ZBTB20: variants seen among roughly 807,000 people sequenced by gnomAD.
The protein encoded by ZBTB20 is zinc finger and BTB domain containing 20, also known as zinc finger and BTB domain-containing protein 20.
Under a neutral mutation model 56.9 loss-of-function variants are expected in ZBTB20, and 9 were observed. The observed-to-expected ratio is 0.16, with a 90% confidence interval of 0.10 to 0.28. The LOEUF (loss-of-function observed/expected upper bound fraction) is 0.28. ZBTB20 is among the 10% of genes least tolerant of loss of function. The probability of loss-of-function intolerance (pLI) is 1.00; values close to 1 mark genes in which losing one functional copy is unlikely to be tolerated. For missense variants in ZBTB20, 655 were observed against 1,003.0 expected, an observed-to-expected ratio of 0.65 and a Z score of 4.69; for synonymous variants, 417 against 420.7, an observed-to-expected ratio of 0.99 and a Z score of 0.11.
intron 1 of ZBTB20, among the ~76,000 whole-genome samples, chr3:115,101,932 T>C (rs913478991): frequency 6.6e-6 from 1 of 152,214 alleles, no homozygotes; most frequent in Admixed American, 6.5e-5. Context: ...ACTTTCAATA[T>C]ATAACTTATA....
At chr3:114,599,712 G>T (rs185034870) in intron 6 of ZBTB20, among the ~76,000 whole-genome samples, 1 of 152,024 alleles carries the variant, frequency 6.6e-6, no homozygotes, top group Admixed American at 6.6e-5. Context: ...TATTGTTGCT[G>T]TTATTCCCAT....
rs1032431500 is a variant in ZBTB20, at chr3:114,500,256, C to G, written c.-255+96G>C. On this transcript the variant is annotated intron_variant, in intron 7 of 11. Transcript: ENST00000675478. Reference sequence around the variant, plus strand: ...TACACACTACAGAAGCACTAGAAACCACAACAAAGTCAACTAGGAAATATG... The same window carrying G: ...TACACACTACAGAAGCACTAGAAACGACAACAAAGTCAACTAGGAAATATG... 2.6e-5 allele frequency: 4 copies of G among 152,180 alleles called. No homozygotes were observed. The South Asian group carries it at 8.3e-4, about 32-fold the overall frequency. The allele number at this position is 152,180 out of a possible 1,614,324, so 9.4% of individuals were successfully genotyped here.
chr3:114,400,803 G>A (rs900614041), intron 7 of ZBTB20, among the ~76,000 whole-genome samples: 1 of 151,952 alleles, frequency 6.6e-6, no homozygotes, highest in Non-Finnish European at 1.5e-5. Context: ...GAGACAAAAA[G>A]GATCCAGAAT....
At chr3:115,145,282 C>T (rs956190580) in intron 1 of ZBTB20, among the ~76,000 whole-genome samples, 3 of 152,198 alleles carry the variant, frequency 2.0e-5, no homozygotes, top group Admixed American at 6.5e-5. Flanking sequence ...AATACAGATT[C>T]TTCATTTTAA....
At position 114,567,302 on chromosome 3, in the gene ZBTB20, T is replaced by C. The variant is rs16822966; in HGVS notation, c.-294-66911A>G. ...ATCTACAGGGTCCTCGGGAAAAAAA[T>C]TGCAGTGAAATCAATAAACAGTGCT... is the stretch of plus-strand genomic sequence containing the variant. On this transcript the variant is annotated intron_variant, in intron 6 of 11. Coordinates refer to ENST00000675478, the MANE Select transcript of ZBTB20 (RefSeq NM_001348800.3). 2.9e-3 allele frequency among the ~76,000 whole-genome samples: 449 copies of C among 152,218 alleles called. 17 individuals carry two copies. The East Asian group carries it at 0.079, about 27-fold the overall frequency.
At chr3:114,880,575 T>C (rs2076361804) in intron 4 of ZBTB20, among the ~76,000 whole-genome samples, 1 of 152,138 alleles carries the variant, frequency 6.6e-6, no homozygotes, top group Admixed American at 6.5e-5. Context: ...CACTTAAGTA[T>C]TTACCTGATG....
chr3:114,921,169 C>T (rs1483089738), intron 3 of ZBTB20, among the ~76,000 whole-genome samples: 1 of 152,142 alleles, frequency 6.6e-6, no homozygotes. Context: ...GTCACCCAGG[C>T]TGCAGTGCAA....
chr3:114,519,291 A>C (rs1001864893), intron 6 of ZBTB20: 8 of 152,202 alleles, frequency 5.3e-5, no homozygotes, highest in Admixed American at 4.6e-4. Flanking sequence ...CATATATACT[A>C]ATTTAGTAAA....
chr3:114,603,963 C>T (rs776790760), intron 6 of ZBTB20, among the ~76,000 whole-genome samples: 16 of 151,842 alleles, frequency 1.1e-4, no homozygotes, highest in Non-Finnish European at 1.6e-4. Context: ...CTAATTGATC[C>T]AACTCCTGTC....
chr3:114,716,380 C>A (rs1191578127), intron 5 of ZBTB20, among the ~76,000 whole-genome samples: 1 of 151,930 alleles, frequency 6.6e-6, no homozygotes, highest in Non-Finnish European at 1.5e-5. Flanking sequence ...TATTATTAAT[C>A]TTTTAAGACA....
intron 2 of ZBTB20, among the ~76,000 whole-genome samples, chr3:114,988,315 T>C (rs1011559414): frequency 6.8e-6 from 1 of 146,654 alleles, no homozygotes. Context: ...GTGTTCTCAT[T>C]GTTCAATTCC....
At chr3:114,433,135 G>A (rs1462404217) in intron 7 of ZBTB20, among the ~76,000 whole-genome samples, 1 of 152,068 alleles carries the variant, frequency 6.6e-6, no homozygotes, top group Non-Finnish European at 1.5e-5. Context: ...TGAGGGAGAC[G>A]AGGAAACAGA....
chr3:115,072,278 T>C (rs1321497681), intron 1 of ZBTB20, among the ~76,000 whole-genome samples: 1 of 152,160 alleles, frequency 6.6e-6, no homozygotes. Flanking sequence ...TATGGAAGAA[T>C]AGGTATTGGG....
intron 10 of ZBTB20, among the ~76,000 whole-genome samples, 162 bp downstream of exon 10, chr3:114,380,055 A>G (rs1428240278): frequency 6.6e-6 from 1 of 152,232 alleles, no homozygotes; most frequent in African/African-American, 2.4e-5. Flanking sequence ...AGCTTTGCAA[A>G]CTTATAGATA....
chr3:114,836,925 A>C (rs2074148163), intron 4 of ZBTB20, among the ~76,000 whole-genome samples: 1 of 152,240 alleles, frequency 6.6e-6, no homozygotes, highest in Non-Finnish European at 1.5e-5. Flanking sequence ...AACCATGACC[A>C]GTAAGTCTCT....
At chr3:114,966,848 T>A (rs547068067) in intron 3 of ZBTB20, among the ~76,000 whole-genome samples, 61 of 152,266 alleles carry the variant, frequency 4.0e-4, no homozygotes, top group African/African-American at 6.0e-4. Flanking sequence ...AATATTTTTT[T>A]AAAAAATCTT....
chr3:114,618,883 G>A (rs1353927776), intron 6 of ZBTB20, among the ~76,000 whole-genome samples: 1 of 152,188 alleles, frequency 6.6e-6, no homozygotes, highest in Admixed American at 6.5e-5. Context: ...TCTTGACTAG[G>A]AATGCAATTA....
chr3:114,986,481 A>C (rs1189733592), intron 2 of ZBTB20, among the ~76,000 whole-genome samples: 1 of 151,988 alleles, frequency 6.6e-6, no homozygotes, highest in Admixed American at 6.6e-5. Flanking sequence ...CATTTTTTTC[A>C]TCGCTCATGA....
At chr3:114,442,537 A>G (rs1254462635) in intron 7 of ZBTB20, among the ~76,000 whole-genome samples, 1 of 152,062 alleles carries the variant, frequency 6.6e-6, no homozygotes, top group Non-Finnish European at 1.5e-5. Context: ...CAACACCATT[A>G]CTCTGGCAAA....
Sources: gnomAD v4.1 joint callset for allele counts (sites outside exome capture counted in the v4.1 genomes callset) on GRCh38, gnomAD v4.1.1 for gene constraint, MANE v1.5 for transcripts, NCBI Gene and HGNC (gene_info 2026-07-23, HGNC 2026-07-21) for gene names.